KALRN: variants seen among roughly 807,000 people sequenced by gnomAD.
The protein encoded by KALRN is kalirin.
KALRN carries 70 observed loss-of-function variants against 353.7 expected under a neutral mutation model. The observed-to-expected ratio is 0.20, with a 90% CI of 0.16 to 0.24. The LOEUF is 0.24. Ranked by LOEUF, KALRN falls within the 10% of genes least tolerant of loss-of-function variation. The probability of loss-of-function intolerance (pLI) is 1.00; values close to 1 mark genes in which losing one functional copy is unlikely to be tolerated. For synonymous variants in KALRN, 1,391 were observed against 1,434.8 expected, an observed-to-expected ratio of 0.97 and a Z score of 0.69; for missense variants, 2,791 against 3,756.7, an observed-to-expected ratio of 0.74 and a Z score of 6.72.
intron 33 of KALRN, among the ~76,000 whole-genome samples, chr3:124,533,291 G>T (rs928632910): frequency 6.6e-6 from 1 of 152,002 alleles, no homozygotes; most frequent in Non-Finnish European, 1.5e-5. Flanking sequence ...GATGTTTTCA[G>T]AAATTAACAT....
intron 1 of KALRN, chr3:124,163,880 A>T: frequency 1.0e-6 from 1 of 985,434 alleles, no homozygotes; most frequent in Non-Finnish European, 1.2e-6. Context: ...GCCTTGGCCA[A>T]GTCACTGTTG....
rs775447254 is a variant in KALRN, at chr3:124,439,057, C to G, written c.3198+20C>G. On this transcript the variant is annotated intron_variant, in intron 18 of 59. Coordinates refer to ENST00000682506, the MANE Select transcript of KALRN (RefSeq NM_001388419.1). ...CTTAAGGTCAGAGCACATTGTCATG[C>G]AAGGGCTCAGACTCCTGGCCTTGGC... The G allele has an allele frequency of 6.2e-7, 1 of 1,612,112 alleles. No homozygotes were observed. The highest frequency in any genetic ancestry group is 8.5e-7 in the Non-Finnish European group (1 of 1,178,492).
chr3:124,562,837 C>A lies in KALRN; in HGVS notation c.4936-6C>A. 2.9e-6 allele frequency: 4 copies of A among 1,359,032 alleles called. No homozygotes were observed. The highest frequency in any genetic ancestry group is 2.9e-6 in the Non-Finnish European group (3 of 1,017,864). The allele number at this position is 1,359,032 out of a possible 1,614,324, so 84.2% of individuals were successfully genotyped here. A position where few individuals can be genotyped will look rare whatever the true frequency, so the allele number is the denominator to read the frequency against. On this transcript the variant is annotated splice_region_variant and splice_polypyrimidine_tract_variant and intron_variant, in intron 33 of 59. Coordinates refer to ENST00000682506, the MANE Select transcript of KALRN (RefSeq NM_001388419.1). ...GTTCTACTCCCTCCACCACCACCCT[C>A]CAAAGCTCTCTGGTGGATGTGAGCT...
intron 1 of KALRN, among the ~76,000 whole-genome samples, chr3:124,124,179 G>A (rs755297294): frequency 9.2e-5 from 14 of 152,220 alleles, no homozygotes; most frequent in Non-Finnish European, 1.3e-4. Context: ...TTTGTGGTTC[G>A]TGGGAGGAGG....
At chr3:124,577,335 A>T (rs990361738) in intron 34 of KALRN, among the ~76,000 whole-genome samples, 1 of 152,210 alleles carries the variant, frequency 6.6e-6, no homozygotes. Flanking sequence ...TTTAAAGGTC[A>T]GTAGGTGAAG....
chr3:124,485,153 TA>T (rs1301636486), intron 28 of KALRN, among the ~76,000 whole-genome samples: 3 of 152,200 alleles, frequency 2.0e-5, no homozygotes, highest in South Asian at 2.1e-4. Flanking sequence ...CTAACAGACT[TA>T]AAAAAATTGA....
intron 33 of KALRN, among the ~76,000 whole-genome samples, chr3:124,540,450 A>G (rs1339065837): frequency 3.3e-5 from 5 of 152,034 alleles, no homozygotes; most frequent in Non-Finnish European, 7.4e-5. Flanking sequence ...AGTTTTTTAG[A>G]CATAATATGA....
intron 1 of KALRN, chr3:124,082,410 G>A (rs2060589447): frequency 2.4e-6 from 1 of 415,104 alleles, no homozygotes. Flanking sequence ...CTACAACCAA[G>A]TAATTCTTCT....
At chr3:124,262,232 T>G (rs1043347661) in intron 3 of KALRN, among the ~76,000 whole-genome samples, 2 of 152,044 alleles carry the variant, frequency 1.3e-5, no homozygotes, top group Non-Finnish European at 2.9e-5. Flanking sequence ...TTGGAAGAAA[T>G]TTTAGACATG....
chr3:124,546,608 C>A (rs975807671), intron 33 of KALRN, among the ~76,000 whole-genome samples: 1 of 152,054 alleles, frequency 6.6e-6, no homozygotes, highest in African/African-American at 2.4e-5. Context: ...AATCAGAATG[C>A]CTCCTTCACC....
rs767555973 is a variant in KALRN at position 124,671,677 on chromosome 3, G to A, written c.6721G>A (p.Glu2241Lys). 2 of 1,613,784 alleles carry A rather than the reference G, an allele frequency of 1.2e-6. No homozygotes were observed. Among genetic ancestry groups the A allele is most frequent in the Non-Finnish European group, 1.7e-6 (2 of 1,179,710 alleles). ...TCCCACAGCACTGCAATCGCCCATT[G>A]AGTATCAACGGAAAGAAAGGAGCAC... Reference protein sequence around the residue: ...DFLNALQSPIEYQRKERSTAV... With the variant: ...DFLNALQSPIKYQRKERSTAV... The change falls in exon 48 of 60, where the codon GAG becomes AAG. Residue 2241 changes from glutamate (E) to lysine (K), a missense_variant. By Grantham distance (56) the Glu-to-Lys change is moderately conservative (BLOSUM62 1). Transcript: ENST00000682506.
chr3:124,482,709 T>C, intron 27 of KALRN, 99 bp from the exon 28 acceptor site: 1 of 796,714 alleles, frequency 1.3e-6, no homozygotes, highest in Non-Finnish European at 2.2e-6. Flanking sequence ...CCTTTTTCTC[T>C]TTCTTCCTCT....
intron 45 of KALRN, among the ~76,000 whole-genome samples, chr3:124,665,556 C>A (rs2085507322): frequency 6.6e-6 from 1 of 152,130 alleles, no homozygotes; most frequent in Non-Finnish European, 1.5e-5. Flanking sequence ...CCTCTGCCTC[C>A]CAGGTTCAAG....
At chr3:124,271,178 C>A (rs1361961369) in intron 5 of KALRN, among the ~76,000 whole-genome samples, 2 of 152,104 alleles carry the variant, frequency 1.3e-5, no homozygotes, top group African/African-American at 4.8e-5. Flanking sequence ...TTTCTTGAGG[C>A]CTGTTTTGCT....
At chr3:124,153,255 T>C (rs2068457212) in intron 1 of KALRN, among the ~76,000 whole-genome samples, 2 of 132,734 alleles carry the variant, frequency 1.5e-5, no homozygotes, top group South Asian at 5.6e-4. Context: ...CTCCTAATGC[T>C]ATCCCTCCCC....
In KALRN at chr3:124,220,026, C is replaced by T. The variant is rs1271721916; in HGVS notation, c.74-7964C>T. 4.6e-5 allele frequency among the ~76,000 whole-genome samples: 7 copies of T among 151,862 alleles called. No homozygotes were observed. The East Asian group carries it at 1.4e-3, about 29-fold the overall frequency. ...GTGGCGTGATCTCTGTTCACTGCAA[C>T]CTCTGCCTCCCGGGTTCAAGCACTT... On this transcript the variant is annotated intron_variant, in intron 1 of 59. Coordinates refer to ENST00000682506, the MANE Select transcript of KALRN (RefSeq NM_001388419.1).
chr3:124,630,442 G>T (rs949274540), intron 34 of KALRN, among the ~76,000 whole-genome samples: 19 of 152,066 alleles, frequency 1.2e-4, no homozygotes, highest in African/African-American at 4.6e-4. Flanking sequence ...TGTCACCCAG[G>T]CTGGAGTGCA....
intron 37 of KALRN, among the ~76,000 whole-genome samples, chr3:124,640,433 C>T (rs1337517079): frequency 1.3e-5 from 2 of 151,748 alleles, no homozygotes; most frequent in African/African-American, 4.8e-5. Context: ...ATTGCAGGCA[C>T]ACCACCATGC....
At chr3:124,185,091 C>G (rs1349210734) in intron 1 of KALRN, among the ~76,000 whole-genome samples, 1 of 152,224 alleles carries the variant, frequency 6.6e-6, no homozygotes, top group Non-Finnish European at 1.5e-5. Context: ...TCTTGGCTCA[C>G]TGCAACCTCC....
Sources: gnomAD v4.1 joint callset for allele counts (sites outside exome capture counted in the v4.1 genomes callset) on GRCh38, gnomAD v4.1.1 for gene constraint, MANE v1.5 for transcripts, NCBI Gene and HGNC (gene_info 2026-07-23, HGNC 2026-07-21) for gene names.